ALK: variants seen among roughly 807,000 people sequenced by gnomAD.
ALK encodes the protein ALK receptor tyrosine kinase.
ALK carries 74 observed loss-of-function variants against 163.1 expected under a neutral mutation model. The observed-to-expected ratio is 0.45, with a 90% CI of 0.38 to 0.55. The LOEUF is 0.55. Among genes scored for constraint, ALK ranks in the 20% least tolerant of loss-of-function variants. The pLI, the probability that ALK is intolerant of heterozygous loss-of-function variation, is 0.00. For missense variants in ALK, 2,063 were observed against 2,105.3 expected (o/e 0.98, Z 0.39); for synonymous variants, 960 against 843.2 (o/e 1.14, Z -2.40).
chr2:29,891,036 T>C (rs1454397852), intron 1 of ALK: 2 of 152,154 alleles, frequency 1.3e-5, no homozygotes, highest in South Asian at 2.1e-4. Context: ...AAAATGGGGA[T>C]AGTAATATTT....
chr2:29,681,196 G>C (rs907459287), intron 3 of ALK: 1 of 152,148 alleles, frequency 6.6e-6, no homozygotes, highest in Admixed American at 6.6e-5. Flanking sequence ...TCACCATATT[G>C]ATGCCAAACT....
chr2:29,369,762 G>T (rs1159638890), intron 5 of ALK, among the ~76,000 whole-genome samples: 1 of 152,230 alleles, frequency 6.6e-6, no homozygotes, highest in Admixed American at 6.5e-5. Flanking sequence ...TGCAGGGGAA[G>T]GCTGTCCATG....
chr2:29,366,539 G>A (rs1171648931), intron 5 of ALK, among the ~76,000 whole-genome samples: 3 of 152,202 alleles, frequency 2.0e-5, no homozygotes, highest in Non-Finnish European at 4.4e-5. Context: ...TGGAGGTCCT[G>A]TGGATGGAGA....
intron 5 of ALK, among the ~76,000 whole-genome samples, chr2:29,332,643 A>T (rs909829744): frequency 5.3e-5 from 8 of 152,222 alleles, no homozygotes; most frequent in African/African-American, 1.9e-4. Context: ...TGTGTCATAC[A>T]TATAGGCCTT....
At chr2:29,278,983 G>A (rs200234715) in intron 9 of ALK, among the ~76,000 whole-genome samples, 3 of 152,092 alleles carry the variant, frequency 2.0e-5, no homozygotes, top group East Asian at 3.9e-4. Context: ...TGTGCCTGGG[G>A]GGGGGGACAG....
chr2:29,452,787 G>A lies in ALK; in HGVS notation c.1155-68928C>T, dbSNP rs2148094001. ...TTGACATGAGATGCCCACTTGATATGATGCACTGAGAAGGATCCATCACTT... is the reference window on the plus strand; with the variant it reads ...TTGACATGAGATGCCCACTTGATATAATGCACTGAGAAGGATCCATCACTT... On this transcript the variant is annotated intron_variant, in intron 4 of 28. Transcript: ENST00000389048. Among the ~76,000 whole-genome samples the A allele has an allele frequency of 4.6e-5, 7 of 152,244 alleles. 2 individuals carry two copies. Among genetic ancestry groups the A allele is most frequent in the Admixed American group, 4.6e-4 (7 of 15,284 alleles).
At chr2:29,780,151 A>G (rs1031920343) in intron 1 of ALK, among the ~76,000 whole-genome samples, 3 of 152,226 alleles carry the variant, frequency 2.0e-5, no homozygotes, top group Non-Finnish European at 4.4e-5. Context: ...TACACACTGC[A>G]TTCATCTTGA....
chr2:29,727,670 T>C (rs1477584768), intron 1 of ALK, among the ~76,000 whole-genome samples: 1 of 152,234 alleles, frequency 6.6e-6, no homozygotes, highest in Non-Finnish European at 1.5e-5. Flanking sequence ...ATTGGCATGA[T>C]GCTATATTTT....
rs747885672 is a variant in ALK, at chr2:29,320,885, A to G, written c.1415-3T>C. ...GTAAAAACCCACAGGCAGTTTCCCT[A>G]TGGAGAGAGCAGAGAGGCACCATCA... On this transcript the variant is annotated splice_region_variant and splice_polypyrimidine_tract_variant and intron_variant, in intron 6 of 28. Coordinates refer to ENST00000389048, the MANE Select transcript of ALK (RefSeq NM_004304.5). 1.7e-5 allele frequency: 28 copies of G among 1,614,058 alleles called. No homozygotes were observed. The highest frequency in any genetic ancestry group is 2.2e-5 in the East Asian group (1 of 44,892).
intron 3 of ALK, among the ~76,000 whole-genome samples, chr2:29,658,327 C>A (rs896688652): frequency 6.6e-6 from 1 of 152,160 alleles, no homozygotes; most frequent in Non-Finnish European, 1.5e-5. Flanking sequence ...GGTGCCTTAA[C>A]CTCTCTGGGC....
chr2:29,541,785 C>T (rs2148166744), intron 3 of ALK, among the ~76,000 whole-genome samples: 1 of 152,332 alleles, frequency 6.6e-6, no homozygotes, highest in East Asian at 1.9e-4. Flanking sequence ...ACCAGCTCTT[C>T]CCTTGTCCAG....
intron 3 of ALK, among the ~76,000 whole-genome samples, chr2:29,591,095 A>AC (rs1675044769): frequency 6.7e-5 from 10 of 148,664 alleles, no homozygotes; most frequent in African/African-American, 2.5e-4. Flanking sequence ...AAAAAAAAAA[A>AC]AAAAATCCCA....
chr2:29,826,806 G>T (rs758715847), intron 1 of ALK, among the ~76,000 whole-genome samples: 1 of 152,184 alleles, frequency 6.6e-6, no homozygotes, highest in African/African-American at 2.4e-5. Context: ...GCATCATGTG[G>T]TTTATTTGCC....
intron 3 of ALK, among the ~76,000 whole-genome samples, chr2:29,544,852 G>A (rs1043073577): frequency 6.6e-6 from 1 of 152,046 alleles, no homozygotes; most frequent in Non-Finnish European, 1.5e-5. Context: ...AAACATGATT[G>A]TCACGTAGCT....
rs779282861 is a variant in ALK at position 29,383,831 on chromosome 2, G to A, written c.1183C>T (p.Arg395Cys). 46 of 1,613,974 alleles carry A rather than the reference G, an allele frequency of 2.9e-5. No homozygotes were observed. In the Admixed American group the frequency reaches 5.2e-4, roughly 18 times the overall value. The change falls in exon 5 of 29, where the codon CGT becomes TGT. Residue 395 changes from arginine (R) to cysteine (C), a missense_variant. Coordinates refer to ENST00000389048, the MANE Select transcript of ALK (RefSeq NM_004304.5). ...GCCACTCGAAATGGGTTGTCTGGAC[G>A]CCCGATTCTTCCCTGGAGCACTGTC... is the stretch of plus-strand genomic sequence containing the variant. The part of the protein sequence containing the change: ...GWTVLQGRIG[R>C]PDNPFRVALE...
chr2:29,857,557 T>A (rs989513427), intron 1 of ALK, among the ~76,000 whole-genome samples: 6 of 152,206 alleles, frequency 3.9e-5, no homozygotes, highest in African/African-American at 1.2e-4. Context: ...CAAAGGAGCA[T>A]TGAGGCTGGA....
At chr2:29,732,413 A>G (rs1462800933) in intron 1 of ALK, among the ~76,000 whole-genome samples, 2 of 152,204 alleles carry the variant, frequency 1.3e-5, no homozygotes, top group Admixed American at 1.3e-4. Context: ...CACAAACTCC[A>G]GAAGTTCCAG....
chr2:29,707,815 C>G lies in ALK; in HGVS notation c.787+9763G>C, dbSNP rs867403359. Reference sequence around the variant, plus strand: ...CCTTTTGCTGTGCCCTGGGCACATTCAGATCTGTCGTCATGTCCTCATAAT... The same window carrying G: ...CCTTTTGCTGTGCCCTGGGCACATTGAGATCTGTCGTCATGTCCTCATAAT... On this transcript the variant is annotated intron_variant, in intron 2 of 28. Coordinates refer to ENST00000389048, the MANE Select transcript of ALK (RefSeq NM_004304.5). Among the ~76,000 whole-genome samples the G allele has an allele frequency of 2.8e-4, 43 of 152,296 alleles. No individual in the cohort carries two copies. The Middle Eastern group carries it at 0.02, about 72-fold the overall frequency.
intron 3 of ALK, among the ~76,000 whole-genome samples, chr2:29,603,234 C>G (rs1319025420): frequency 6.6e-6 from 1 of 152,120 alleles, no homozygotes; most frequent in Non-Finnish European, 1.5e-5. Context: ...TTAAAAGGTA[C>G]CTGAGTTTCA....
Sources: gnomAD v4.1 joint callset for allele counts (sites outside exome capture counted in the v4.1 genomes callset) on GRCh38, gnomAD v4.1.1 for gene constraint, MANE v1.5 for transcripts, NCBI Gene and HGNC (gene_info 2026-07-23, HGNC 2026-07-21) for gene names.